Variants in OR5T2 observed in about 807,000 individuals in gnomAD.
OR5T2 encodes the protein olfactory receptor 5T2.
A neutral mutation model predicts 13.7 loss-of-function variants in OR5T2; 12 were observed. That is an observed-to-expected ratio of 0.88 (90% CI 0.56 to 1.42). The LOEUF (loss-of-function observed/expected upper bound fraction) is 1.42, where lower values mean the gene tolerates loss of function less well. Ranked by LOEUF, OR5T2 falls within the 40% of genes most tolerant of loss-of-function variation. The probability of loss-of-function intolerance (pLI) is 0.00; values close to 1 mark genes in which losing one functional copy is unlikely to be tolerated. For synonymous variants in OR5T2, 146 were observed against 139.5 expected (o/e 1.05, Z -0.33); for missense variants, 475 against 372.0 (o/e 1.28, Z -2.28).
chr11:56,232,666 T>C lies in OR5T2; in HGVS notation c.397A>G (p.Ser133Gly), dbSNP rs1235498620. 2.5e-6 allele frequency: 4 copies of C among 1,614,174 alleles called. No homozygotes were observed. In the South Asian group the frequency reaches 4.4e-5, roughly 18 times the overall value. The change falls in exon 2 of 2, where the codon AGC becomes GGC. Residue 133 changes from serine (S) to glycine (G), a missense_variant. Physicochemically the swap from Ser to Gly is moderately conservative, Grantham distance 56. Coordinates refer to ENST00000641661, the MANE Select transcript of OR5T2 (RefSeq NM_001004746.4). ...AIYNPLLYSVSMSPRVYMPLI... is the reference protein window; with the variant it reads ...AIYNPLLYSVGMSPRVYMPLI... Reference sequence around the variant, plus strand: ...GGCATGTAGACTCTGGGTGACATGCTCACTGAATACAGGAGAGGGTTGTAG... The same window carrying C: ...GGCATGTAGACTCTGGGTGACATGCCCACTGAATACAGGAGAGGGTTGTAG...
In OR5T2 at chr11:56,231,961, C is replaced by T. The variant is rs1325379236; in HGVS notation, c.*145G>A. On this transcript the variant is annotated 3_prime_UTR_variant, in exon 2 of 2. Transcript: ENST00000641661. ...TAAAAGGCCTGCCCCTGAGGTATAA[C>T]ACCCAACATTATAACAAAAGACTGT... 9.1e-6 allele frequency: 6 copies of T among 657,448 alleles called. No homozygotes were observed. The highest frequency in any genetic ancestry group is 6.8e-5 in the Admixed American group (2 of 29,306). The allele number at this position is 657,448 out of a possible 1,614,324, so 40.7% of individuals were successfully genotyped here.
Position 56,232,722 on chromosome 11 carries a change from G to C in OR5T2, c.341C>G (p.Ala114Gly). 1.2e-6 allele frequency: 2 copies of C among 1,614,174 alleles called. No individual in the cohort carries two copies. Among genetic ancestry groups the C allele is most frequent in the Non-Finnish European group, 1.7e-6 (2 of 1,180,022 alleles). Residue 114 changes from alanine to glycine, a missense_variant, in exon 2 of 2, where the codon GCT becomes GGT. Ala to Gly is a moderately conservative substitution (Grantham distance 60, BLOSUM62 0). Transcript: ENST00000641661. ...TACATAGCGATCATAAGCCATTGCAGCCAAGAGAAAGCATTCTGTGGTTCC... is the reference window on the plus strand; with the variant it reads ...TACATAGCGATCATAAGCCATTGCACCCAAGAGAAAGCATTCTGTGGTTCC... ...SFGTTECFLLAAMAYDRYVAI... is the reference protein window; with the variant it reads ...SFGTTECFLLGAMAYDRYVAI...
In OR5T2 at chr11:56,234,247, T is replaced by A. The variant is rs1283918584; in HGVS notation, c.-273A>T. ...GCCAAGATTCAATCCCAGGTTTCTC[T>A]CATTGTACATGAAATTTTTGCATTT... On this transcript the variant is annotated 5_prime_UTR_variant, in exon 1 of 2. The change creates a premature stop within an existing upstream ORF in the 5' untranslated region. Transcript: ENST00000641661. 3.9e-5 allele frequency: 6 copies of A among 152,078 alleles called. No individual in the cohort carries two copies. The highest frequency in any genetic ancestry group is 8.8e-5 in the Non-Finnish European group (6 of 67,964). 9.4% of individuals were successfully genotyped at this position (152,078 alleles called of 1,614,324 possible).
rs947385367 is a variant in OR5T2 at position 56,232,522 on chromosome 11, G to T, written c.541C>A (p.Pro181Thr). ...EIRRVFCDIPPLLAISYSDTH... is the reference protein window; with the variant it reads ...EIRRVFCDIPTLLAISYSDTH... ...TCAGAATAAGAAATAGCAAGGAGAG[G>T]AGGGATATCACAAAAGACACGCCTA... The change falls in exon 2 of 2, where the codon CCT (proline) becomes ACT (threonine). Residue 181 changes from proline to threonine, a missense_variant. Coordinates refer to ENST00000641661, the MANE Select transcript of OR5T2 (RefSeq NM_001004746.4). 1 of 1,611,642 alleles carries T rather than the reference G, an allele frequency of 6.2e-7. No homozygotes were observed. Among genetic ancestry groups the T allele is most frequent in the Non-Finnish European group, 8.5e-7 (1 of 1,178,642 alleles).
chr11:56,232,818 T>A lies in OR5T2; in HGVS notation c.245A>T (p.Asp82Val). The change falls in exon 2 of 2, where the codon GAT becomes GTT. Residue 82 changes from aspartate to valine, a missense_variant. By Grantham distance (152) the Asp-to-Val change is radical. Coordinates refer to ENST00000641661, the MANE Select transcript of OR5T2 (RefSeq NM_001004746.4). ...SSVITPNMLV[D>V]FTTKNKVISF... ...AATGACTTTATTCTTTGTCGTAAAATCTACTAACATATTTGGGGTAATAAC... is the reference window on the plus strand; with the variant it reads ...AATGACTTTATTCTTTGTCGTAAAAACTACTAACATATTTGGGGTAATAAC... 2 of 1,613,806 alleles carry A rather than the reference T, an allele frequency of 1.2e-6. No individual in the cohort carries two copies. The highest frequency in any genetic ancestry group is 1.7e-6 in the Non-Finnish European group (2 of 1,179,862).
Position 56,234,211 on chromosome 11 carries a change from C to A in OR5T2, c.-237G>T, listed in dbSNP as rs1029761417. ...CCTTTATAGCAACTTTCATAGCTAA[C>A]AATTTCCAGAGCCAAGATTCAATCC... On this transcript the variant is annotated 5_prime_UTR_variant, in exon 1 of 2. Coordinates refer to ENST00000641661, the MANE Select transcript of OR5T2 (RefSeq NM_001004746.4). 2.0e-5 allele frequency: 3 copies of A among 152,004 alleles called. No individual in the cohort carries two copies. Among genetic ancestry groups the A allele is most frequent in the African/African-American group, 7.2e-5 (3 of 41,430 alleles). 9.4% of individuals were successfully genotyped at this position (152,004 alleles called of 1,614,324 possible). A position where few individuals can be genotyped will look rare whatever the true frequency, so the allele number is the denominator to read the frequency against.
rs1262571802 is a variant in OR5T2, at chr11:56,232,452, A to G, written c.611T>C (p.Ile204Thr). The G allele has an allele frequency of 6.2e-7, 1 of 1,607,292 alleles. No individual in the cohort carries two copies. The highest frequency in any genetic ancestry group is 8.5e-7 in the Non-Finnish European group (1 of 1,176,440). Residue 204 changes from isoleucine (I) to threonine (T), a missense_variant, in exon 2 of 2, where the codon ATC becomes ACC. Coordinates refer to ENST00000641661, the MANE Select transcript of OR5T2 (RefSeq NM_001004746.4). Reference protein sequence around the residue: ...QLLLFYFVGSIELVTILIVLI... With the variant: ...QLLLFYFVGSTELVTILIVLI... ...AACAATCAGGATAGTGACCAGCTCGATAGAGCCCACAAAGTAGAAGAGTAG... is the reference window on the plus strand; with the variant it reads ...AACAATCAGGATAGTGACCAGCTCGGTAGAGCCCACAAAGTAGAAGAGTAG...
rs370158686 is a variant in OR5T2, at chr11:56,232,632, T to C, written c.431A>G (p.Asn144Ser). ...TAAAATGCCAGCAACATAGGAAGCA[T>C]TGATGAGTGGCATGTAGACTCTGGG... Reference protein sequence around the residue: ...MSPRVYMPLINASYVAGILHA... With the variant: ...MSPRVYMPLISASYVAGILHA... The change falls in exon 2 of 2, where the codon AAT becomes AGT. Residue 144 changes from asparagine to serine, a missense_variant. Physicochemically the swap from Asn to Ser is conservative, Grantham distance 46. Transcript: ENST00000641661. The C allele has an allele frequency of 1.2e-6, 2 of 1,614,044 alleles. No individual in the cohort carries two copies. The highest frequency in any genetic ancestry group is 1.7e-5 in the Admixed American group (1 of 60,010).
At position 56,231,965 on chromosome 11, in the gene OR5T2, C is replaced by T. The variant is rs1853286578; in HGVS notation, c.*141G>A. 1 of 683,062 alleles carries T rather than the reference C, an allele frequency of 1.5e-6. No individual in the cohort carries two copies. The allele number at this position is 683,062 out of a possible 1,614,324, so 42.3% of individuals were successfully genotyped here. On this transcript the variant is annotated 3_prime_UTR_variant, in exon 2 of 2. Coordinates refer to ENST00000641661, the MANE Select transcript of OR5T2 (RefSeq NM_001004746.4). ...AGGCCTGCCCCTGAGGTATAACACC[C>T]AACATTATAACAAAAGACTGTAACA...
In OR5T2 at chr11:56,232,431, A is replaced by C. The variant is rs762892725; in HGVS notation, c.632T>G (p.Ile211Ser). The C allele has an allele frequency of 2.5e-6, 4 of 1,610,096 alleles. No homozygotes were observed. The Admixed American group carries it at 5.0e-5, about 20-fold the overall frequency. Residue 211 changes from isoleucine to serine, a missense_variant, in exon 2 of 2, where the codon ATT becomes AGT. Ile to Ser is a moderately radical substitution (Grantham distance 142). Transcript: ENST00000641661. ...VGSIELVTIL[I>S]VLISYGLILL... ...AATCAAACCATAGGAGATCAGAACA[A>C]TCAGGATAGTGACCAGCTCGATAGA...
Position 56,232,342 on chromosome 11 carries a change from C to G in OR5T2, c.721G>C (p.Ala241Pro), listed in dbSNP as rs1853296160. 6.2e-7 allele frequency: 1 copy of G among 1,607,262 alleles called. No individual in the cohort carries two copies. Among genetic ancestry groups the G allele is most frequent in the Non-Finnish European group, 8.5e-7 (1 of 1,176,720 alleles). The change falls in exon 2 of 2, where the codon GCT becomes CCT. Residue 241 changes from alanine (A) to proline (P), a missense_variant. Ala to Pro is a conservative substitution (Grantham distance 27). Transcript: ENST00000641661. ...TAAATTGACACTCCAGTTAGGTGAG[C>G]TCCACATGTGGAGAAGACTTTTCTC... ...GRRKVFSTCG[A>P]HLTGVSIYYG...
At position 56,232,001 on chromosome 11, in the gene OR5T2, G is replaced by A. The variant is rs528044987; in HGVS notation, c.*105C>T. ...CAAAAGACTGTAACAAAGGCTATGGGAATTATGAGCCAGGAACCCTGGATG... is the reference window on the plus strand; with the variant it reads ...CAAAAGACTGTAACAAAGGCTATGGAAATTATGAGCCAGGAACCCTGGATG... On this transcript the variant is annotated 3_prime_UTR_variant, in exon 2 of 2. Transcript: ENST00000641661. The A allele has an allele frequency of 7.2e-5, 66 of 919,414 alleles. No homozygotes were observed. The African/African-American group carries it at 9.9e-4, about 14-fold the overall frequency. The allele number at this position is 919,414 out of a possible 1,614,324, so 57.0% of individuals were successfully genotyped here.
chr11:56,232,416 T>C lies in OR5T2; in HGVS notation c.647A>G (p.Tyr216Cys), dbSNP rs748556491. 6.8e-6 allele frequency: 11 copies of C among 1,610,368 alleles called. No homozygotes were observed. Among genetic ancestry groups the C allele is most frequent in the South Asian group, 5.5e-5 (5 of 90,670 alleles). ...CAGAATGGCCAACAGAATCAAACCA[T>C]AGGAGATCAGAACAATCAGGATAGT... ...LVTILIVLIS[Y>C]GLILLAILKM... Residue 216 changes from tyrosine to cysteine, a missense_variant, in exon 2 of 2, where the codon TAT becomes TGT. Coordinates refer to ENST00000641661, the MANE Select transcript of OR5T2 (RefSeq NM_001004746.4).
chr11:56,231,975 A>G lies in OR5T2; in HGVS notation c.*131T>C, dbSNP rs1390959618. The G allele has an allele frequency of 1.3e-6, 1 of 748,254 alleles. No homozygotes were observed. The highest frequency in any genetic ancestry group is 1.8e-5 in the African/African-American group (1 of 55,306). The allele number at this position is 748,254 out of a possible 1,614,324, so 46.4% of individuals were successfully genotyped here. A position where few individuals can be genotyped will look rare whatever the true frequency, so the allele number is the denominator to read the frequency against. On this transcript the variant is annotated 3_prime_UTR_variant, in exon 2 of 2. Coordinates refer to ENST00000641661, the MANE Select transcript of OR5T2 (RefSeq NM_001004746.4). ...CTGAGGTATAACACCCAACATTATA[A>G]CAAAAGACTGTAACAAAGGCTATGG...
intron 1 of OR5T2, among the ~76,000 whole-genome samples, chr11:56,233,962 T>C (rs985838005): frequency 1.3e-5 from 2 of 151,946 alleles, no homozygotes; most frequent in Admixed American, 6.6e-5. Context: ...AGTCAAAGAT[T>C]CAGAGTTATA....
In OR5T2 at chr11:56,232,970, T is replaced by G. The variant is rs370222203; in HGVS notation, c.93A>C (p.Ala31=). The change falls in exon 2 of 2, where the codon GCA becomes GCC. Residue 31 remains alanine (A), a synonymous_variant. Transcript: ENST00000641661. The stretch of plus-strand genomic sequence containing the variant: ...TTCCCATGAGAGTGAAGAGGTAGAT[T>G]GCTAGAAACAGGAAGAAGAAGATAG... The part of the protein sequence containing the change: ...LQTIFFFLFL[A]IYLFTLMGNL... 1 of 1,609,264 alleles carries G rather than the reference T, an allele frequency of 6.2e-7. No individual in the cohort carries two copies. The highest frequency in any genetic ancestry group is 8.5e-7 in the Non-Finnish European group (1 of 1,177,846).
chr11:56,233,084 G>A lies in OR5T2; in HGVS notation c.-22C>T, dbSNP rs368044225. On this transcript the variant is annotated 5_prime_UTR_variant, in exon 2 of 2. Coordinates refer to ENST00000641661, the MANE Select transcript of OR5T2 (RefSeq NM_001004746.4). The stretch of plus-strand genomic sequence containing the variant: ...TCATGTTGAAATCTAGAACAAACTT[G>A]AAGATATGCATAAAGTTACAGTTCA... 6.2e-7 allele frequency: 1 copy of A among 1,607,476 alleles called. No homozygotes were observed. The highest frequency in any genetic ancestry group is 8.5e-7 in the Non-Finnish European group (1 of 1,175,058).
chr11:56,233,112 T>C lies in OR5T2; in HGVS notation c.-50A>G. On this transcript the variant is annotated 5_prime_UTR_variant, in exon 2 of 2. Coordinates refer to ENST00000641661, the MANE Select transcript of OR5T2 (RefSeq NM_001004746.4). ...GATATGCATAAAGTTACAGTTCATA[T>C]TATGACAAAAAGAATGAACAACACC... is the stretch of plus-strand genomic sequence containing the variant. 6.3e-7 allele frequency: 1 copy of C among 1,598,836 alleles called. No individual in the cohort carries two copies. Among genetic ancestry groups the C allele is most frequent in the South Asian group, 1.1e-5 (1 of 89,830 alleles).
Position 56,232,409 on chromosome 11 carries a change from CA to C in OR5T2, c.653del (p.Leu218Ter). On this transcript the variant is annotated frameshift_variant, in exon 2 of 2. Coordinates refer to ENST00000641661, the MANE Select transcript of OR5T2 (RefSeq NM_001004746.4). LOFTEE classifies it high-confidence loss of function. ...TILIVLISYG[L>X]ILLAILKMYS... ...ACATCTTCAGAATGGCCAACAGAATCAAACCATAGGAGATCAGAACAATCAG... is the reference window on the plus strand; with the variant it reads ...ACATCTTCAGAATGGCCAACAGAATCAACCATAGGAGATCAGAACAATCAG... The C allele has an allele frequency of 6.2e-7, 1 of 1,610,630 alleles. No homozygotes were observed. The highest frequency in any genetic ancestry group is 1.1e-5 in the South Asian group (1 of 90,682).
Sources: allele counts gnomAD v4.1 joint callset (sites outside exome capture counted in the v4.1 genomes callset), GRCh38; gene constraint gnomAD v4.1.1; transcripts MANE v1.5; gene names NCBI Gene and HGNC (gene_info 2026-07-23, HGNC 2026-07-21).